Variants in AEBP2 observed in about 807,000 individuals in gnomAD.
The protein encoded by AEBP2 is zinc finger protein AEBP2.
A neutral mutation model predicts 50.8 loss-of-function variants in AEBP2; 10 were observed. The observed-to-expected ratio is 0.20, with a 90% confidence interval of 0.12 to 0.33. AEBP2 has a LOEUF of 0.33. Ranked by LOEUF, AEBP2 falls within the 10% of genes least tolerant of loss-of-function variation. The pLI is 1.00. For missense variants in AEBP2, 570 were observed against 688.0 expected (o/e 0.83, Z 1.92); for synonymous variants, 296 against 261.3 (o/e 1.13, Z -1.28).
At chr12:19,446,732 CAAAAA>C (rs34624474) in intron 1 of AEBP2, among the ~76,000 whole-genome samples, 3 of 115,054 alleles carry the variant, frequency 2.6e-5, no homozygotes, top group Non-Finnish European at 3.4e-5. Flanking sequence ...ACTCCGTTTC[CAAAAA>C]AAAAAAAAAA....
Position 19,518,778 on chromosome 12 carries a change from TAA to T in AEBP2, c.*663_*664del. The stretch of plus-strand genomic sequence containing the variant: ...TCGAATTAGGGCTGAAAATTACTGT[TAA>T]AGAGTGTTGCAGTATGTCTGGTGGC... On this transcript the variant is annotated 3_prime_UTR_variant, in exon 8 of 8. Coordinates refer to ENST00000266508, the MANE Select transcript of AEBP2 (RefSeq NM_153207.5). The T allele has an allele frequency of 7.0e-7, 1 of 1,424,122 alleles. No homozygotes were observed. Among genetic ancestry groups the T allele is most frequent in the East Asian group, 2.6e-5 (1 of 39,150 alleles). 88.2% of individuals were successfully genotyped at this position (1,424,122 alleles called of 1,614,324 possible).
chr12:19,439,008 C>T (rs2728781), upstream of AEBP2, among the ~76,000 whole-genome samples: 128,251 of 152,184 alleles, frequency 0.84, 54,280 homozygotes, highest in African/African-American at 0.91. Flanking sequence ...TTTGAGGACC[C>T]TGAACCAAGA....
rs537371683 is a variant in AEBP2, at chr12:19,483,220, C to T, written c.987+9865C>T. 2.6e-5 allele frequency among the ~76,000 whole-genome samples: 4 copies of T among 152,276 alleles called. No individual in the cohort carries two copies. In the East Asian group the frequency reaches 7.7e-4, roughly 29 times the overall value. On this transcript the variant is annotated intron_variant, in intron 3 of 7. Transcript: ENST00000266508. ...TGAGATATAGTCGGGGATGGCTTCC[C>T]TGGGCTCTAGCTAGAGGCTGGGAAT...
intron 1 of AEBP2, among the ~76,000 whole-genome samples, chr12:19,416,966 G>C (rs1018339936): frequency 6.6e-6 from 1 of 151,766 alleles, no homozygotes; most frequent in Non-Finnish European, 1.5e-5. Context: ...CCACCTCTCA[G>C]GTTCAAGTGA....
chr12:19,496,677 T>TTTTTTTC (rs1378446114), intron 4 of AEBP2, among the ~76,000 whole-genome samples: 33 of 151,578 alleles, frequency 2.2e-4, no homozygotes, highest in African/African-American at 8.0e-4. Flanking sequence ...TTTTTTTTTT[T>TTTTTTTC]CTGAGACAGG....
At chr12:19,413,538 G>C (rs1232588168) in intron 1 of AEBP2, 11 of 739,438 alleles carry the variant, frequency 1.5e-5, no homozygotes, top group Non-Finnish European at 4.9e-6. Flanking sequence ...TATTTAGTTT[G>C]TTTATTGTCT....
intron 6 of AEBP2, 67 bp from the exon 7 acceptor site, chr12:19,514,604 A>G (rs943730683): frequency 2.7e-5 from 33 of 1,220,668 alleles, no homozygotes; most frequent in African/African-American, 6.1e-5. Flanking sequence ...CCAGAATGTG[A>G]AGGCACATGG....
intron 1 of AEBP2, among the ~76,000 whole-genome samples, chr12:19,428,061 ACT>A (rs1326837434): frequency 1.3e-5 from 2 of 151,594 alleles, no homozygotes; most frequent in African/African-American, 4.9e-5. Flanking sequence ...ACATGGCAAA[ACT>A]CTGTCTCCAC....
chr12:19,504,014 G>A (rs958156692), intron 5 of AEBP2, among the ~76,000 whole-genome samples: 1 of 152,050 alleles, frequency 6.6e-6, no homozygotes, highest in Admixed American at 6.6e-5. Context: ...TTTTGGTAGA[G>A]GCAAGGTCTC....
Position 19,500,126 on chromosome 12 carries a change from A to G in AEBP2, c.1204A>G (p.Thr402Ala). ...PRPHDFFDAQ[T>A]LDAIRHRAIC... ...GCCACATGATTTCTTCGATGCACAAACACTGGATGCGATAAGACATCGAGC... is the reference window on the plus strand; with the variant it reads ...GCCACATGATTTCTTCGATGCACAAGCACTGGATGCGATAAGACATCGAGC... The change falls in exon 5 of 8, where the codon ACA becomes GCA. Residue 402 changes from threonine (T) to alanine (A), a missense_variant. Physicochemically the swap from Thr to Ala is moderately conservative, Grantham distance 58. Around this residue, in one of 2 missense-constraint regions of AEBP2, gnomAD observed 184 missense variants for 351.2 expected, o/e 0.52. Coordinates refer to ENST00000266508, the MANE Select transcript of AEBP2 (RefSeq NM_153207.5). The G allele has an allele frequency of 6.2e-7, 1 of 1,607,106 alleles. No homozygotes were observed. Among genetic ancestry groups the G allele is most frequent in the Non-Finnish European group, 8.5e-7 (1 of 1,176,848 alleles).
intron 2 of AEBP2, among the ~76,000 whole-genome samples, chr12:19,472,978 A>G (rs181004919): frequency 3.9e-5 from 6 of 152,118 alleles, no homozygotes; most frequent in Admixed American, 6.5e-5. Flanking sequence ...GTTCCAAGGG[A>G]TATATTGCTA....
chr12:19,490,399 C>T (rs1948879859), intron 3 of AEBP2, among the ~76,000 whole-genome samples: 1 of 152,120 alleles, frequency 6.6e-6, no homozygotes, highest in Non-Finnish European at 1.5e-5. Flanking sequence ...GGTTTTTTAT[C>T]GTGACTGAGT....
intron 1 of AEBP2, among the ~76,000 whole-genome samples, chr12:19,454,879 A>G (rs952210033): frequency 2.6e-5 from 4 of 152,228 alleles, no homozygotes; most frequent in Admixed American, 6.5e-5. Flanking sequence ...GCCCCTATCC[A>G]TTTGACCTCA....
intron 3 of AEBP2, among the ~76,000 whole-genome samples, chr12:19,481,092 CTTTTTTTTTTTTTTT>C (rs71067027): frequency 2.1e-3 from 159 of 74,056 alleles, no homozygotes; most frequent in Non-Finnish European, 3.1e-3. Flanking sequence ...GCAGTGCATC[CTTTTTTTTTTTTTTT>C]TTTTTTTTTT....
chr12:19,509,103 T>TA (rs1367855291), intron 5 of AEBP2: 1 of 564,052 alleles, frequency 1.8e-6, no homozygotes, highest in Non-Finnish European at 3.3e-6. Flanking sequence ...CTTAATGAGA[T>TA]TGTCCAAAGC....
upstream of AEBP2, among the ~76,000 whole-genome samples, chr12:19,436,626 C>T (rs1423535252): frequency 1.4e-5 from 2 of 146,780 alleles, no homozygotes; most frequent in Non-Finnish European, 3.0e-5. Context: ...TACTCTATTG[C>T]CCAAACTGGA....
chr12:19,454,995 G>T (rs955961263), intron 1 of AEBP2, among the ~76,000 whole-genome samples: 1 of 151,714 alleles, frequency 6.6e-6, no homozygotes, highest in African/African-American at 2.4e-5. Context: ...AGCTTTGGTG[G>T]TTCTCAGATT....
intron 2 of AEBP2, among the ~76,000 whole-genome samples, chr12:19,470,417 A>G (rs978323229): frequency 6.6e-6 from 1 of 152,140 alleles, no homozygotes; most frequent in East Asian, 1.9e-4. Context: ...TCGGCCTCCT[A>G]AAGTGTTAGG....
chr12:19,503,094 G>T (rs1949106810), intron 5 of AEBP2, among the ~76,000 whole-genome samples: 1 of 152,094 alleles, frequency 6.6e-6, no homozygotes, highest in Non-Finnish European at 1.5e-5. Flanking sequence ...CATTCCATGT[G>T]AATTTTAGAA....
Sources: allele counts gnomAD v4.1 joint callset (sites outside exome capture counted in the v4.1 genomes callset), GRCh38; gene constraint gnomAD v4.1.1; regional missense constraint gnomAD v4.1.1; transcripts MANE v1.5; gene names NCBI Gene and HGNC (gene_info 2026-07-23, HGNC 2026-07-21).